A2ML1: variants seen among roughly 807,000 people sequenced by gnomAD.
A2ML1 encodes alpha-2-macroglobulin-like protein 1.
A2ML1 carries 161 observed loss-of-function variants against 181.9 expected under a neutral mutation model. The observed-to-expected ratio is 0.89, with a 90% CI of 0.78 to 1.01. The LOEUF is 1.01. Among genes scored for constraint, A2ML1 ranks in the 50% least tolerant of loss-of-function variants. The pLI is 0.00. For synonymous variants in A2ML1, 663 were observed against 666.8 expected (o/e 0.99, Z 0.09); for missense variants, 1,670 against 1,768.1 (o/e 0.94, Z 1.00).
chr12:8,844,074 T>C (rs1480410635), intron 12 of A2ML1, among the ~76,000 whole-genome samples: 1 of 150,414 alleles, frequency 6.6e-6, no homozygotes, highest in Non-Finnish European at 1.5e-5. Flanking sequence ...CCAGTATAGG[T>C]GTAAGAGATG....
intron 4 of A2ML1, among the ~76,000 whole-genome samples, chr12:8,831,361 T>C (rs769325194): frequency 6.6e-6 from 1 of 152,248 alleles, no homozygotes; most frequent in African/African-American, 2.4e-5. Context: ...ACCCTCAGGG[T>C]TGATCTCATT....
chr12:8,858,971 A>T (rs895911540), intron 26 of A2ML1, among the ~76,000 whole-genome samples: 1 of 152,082 alleles, frequency 6.6e-6, no homozygotes, highest in Non-Finnish European at 1.5e-5. Context: ...CAACAAATCA[A>T]TGAGCTAGGT....
chr12:8,848,620 A>C (rs1943783210), intron 15 of A2ML1, 100 bp from the exon 16 acceptor site: 1 of 875,302 alleles, frequency 1.1e-6, no homozygotes, highest in Non-Finnish European at 1.7e-6. Context: ...ATAAAGAGAA[A>C]TGATACAGGA....
At chr12:8,851,272 C>T (rs777372907) in intron 18 of A2ML1, among the ~76,000 whole-genome samples, 1 of 152,236 alleles carries the variant, frequency 6.6e-6, no homozygotes, top group South Asian at 2.1e-4. Context: ...CACAGAGATG[C>T]CCACCCCGAC....
intron 14 of A2ML1, 69 bp downstream of exon 14, chr12:8,846,291 T>A: frequency 6.3e-7 from 1 of 1,578,424 alleles, no homozygotes; most frequent in South Asian, 1.1e-5. Flanking sequence ...TGTGCTGCGG[T>A]TGGAAACAAG....
chr12:8,880,942 T>C (rs113952826), downstream of A2ML1, among the ~76,000 whole-genome samples: 17 of 152,334 alleles, frequency 1.1e-4, 1 homozygote, highest in African/African-American at 3.4e-4. Flanking sequence ...CAGTTAGCTT[T>C]TTTGTTGGAA....
In A2ML1 at chr12:8,860,602, CCTT is replaced by C. The variant is rs369978600; in HGVS notation, c.3265-276_3265-274del. Among the ~76,000 whole-genome samples the C allele has an allele frequency of 3.9e-5, 6 of 152,156 alleles. No homozygotes were observed. The East Asian group carries it at 7.7e-4, about 20-fold the overall frequency. ...TTTAAAGCTCTTACCCTTCCTAACTCCTTCTCTTGGGTTTCTTAAATACCCACT... is the reference window on the plus strand; with the variant it reads ...TTTAAAGCTCTTACCCTTCCTAACTCCTCTTGGGTTTCTTAAATACCCACT... On this transcript the variant is annotated intron_variant, in intron 26 of 35. Transcript: ENST00000299698.
At chr12:8,853,053 G>T (rs1386104592) in intron 20 of A2ML1, among the ~76,000 whole-genome samples, 1 of 152,070 alleles carries the variant, frequency 6.6e-6, no homozygotes, top group Non-Finnish European at 1.5e-5. Flanking sequence ...GGAGTACAGT[G>T]GTGTGGTCAT....
chr12:8,849,434 G>T (rs780586635), intron 16 of A2ML1, among the ~76,000 whole-genome samples: 22 of 152,260 alleles, frequency 1.4e-4, no homozygotes, highest in African/African-American at 5.1e-4. Flanking sequence ...ATAATATTTG[G>T]CAGAACCATT....
chr12:8,839,490 G>A (rs1250507225), intron 10 of A2ML1, among the ~76,000 whole-genome samples: 3 of 148,422 alleles, frequency 2.0e-5, no homozygotes, highest in Non-Finnish European at 4.5e-5. Context: ...CCTGCCTCCC[G>A]GGTATACACT....
chr12:8,885,564 C>A (rs1944914293), intron 7 of A2ML1, among the ~76,000 whole-genome samples: 1 of 152,004 alleles, frequency 6.6e-6, no homozygotes, highest in African/African-American at 2.4e-5. Context: ...CTCAAGCAAT[C>A]CTCCCACCTC....
chr12:8,874,629 C>T, intron 34 of A2ML1, 102 bp downstream of exon 34: 1 of 843,238 alleles, frequency 1.2e-6, no homozygotes, highest in Non-Finnish European at 1.9e-6. Flanking sequence ...TACAAATACT[C>T]CTTCCCAAGC....
chr12:8,852,221 C>T lies in A2ML1; in HGVS notation c.2475C>T (p.Asp825=). The part of the protein sequence containing the change: ...YLKDCIRVQT[D]LAKSHEYQLE... ...AACATCCTCCGTAGGTTCAGACTGA[C>T]CTGGCTAAATCGCATGAGTACCAGC... The change falls in exon 20 of 36, where the codon GAC becomes GAT. Residue 825 remains aspartate (D), a synonymous_variant. Transcript: ENST00000299698. The surrounding 1 kb of genome is among the most constrained non-coding windows in gnomAD (Gnocchi z 4.2). The T allele has an allele frequency of 6.2e-7, 1 of 1,614,156 alleles. No individual in the cohort carries two copies. The highest frequency in any genetic ancestry group is 1.1e-5 in the South Asian group (1 of 91,084).
downstream of A2ML1, among the ~76,000 whole-genome samples, chr12:8,881,186 G>A (rs775887341): frequency 8.5e-5 from 13 of 152,126 alleles, no homozygotes; most frequent in Non-Finnish European, 1.9e-4. Context: ...GCCTGCAAAT[G>A]AAACCGAGAA....
chr12:8,843,460 TGCAC>T, intron 12 of A2ML1, 99 bp downstream of exon 12: 1 of 1,073,560 alleles, frequency 9.3e-7, no homozygotes, highest in Admixed American at 3.0e-5. Flanking sequence ...GAATTGCAGA[TGCAC>T]ATCTAATTAA....
At chr12:8,834,232 C>T (rs1321559022) in intron 4 of A2ML1, among the ~76,000 whole-genome samples, 1 of 152,168 alleles carries the variant, frequency 6.6e-6, no homozygotes, top group East Asian at 1.9e-4. Context: ...TGAAAGTAAG[C>T]TTCCTGCCCA....
At chr12:8,858,535 G>A (rs1383045257) in intron 26 of A2ML1, among the ~76,000 whole-genome samples, 3 of 152,124 alleles carry the variant, frequency 2.0e-5, no homozygotes, top group Admixed American at 6.5e-5. Context: ...GCAGTGAGCC[G>A]TGATTGCACC....
chr12:8,862,661 T>C (rs1055142037), intron 28 of A2ML1, among the ~76,000 whole-genome samples: 4 of 152,330 alleles, frequency 2.6e-5, no homozygotes, highest in Admixed American at 2.0e-4. Context: ...GGCTGAGCTG[T>C]CCTCTCACAG....
At chr12:8,834,600 G>A in intron 4 of A2ML1, 62 bp from the exon 5 acceptor site, 2 of 1,594,120 alleles carry the variant, frequency 1.3e-6, no homozygotes, top group Non-Finnish European at 1.7e-6. Context: ...TTTGCTTTCA[G>A]CAAACTTATT....
Sources: gnomAD v4.1 joint callset for allele counts (sites outside exome capture counted in the v4.1 genomes callset) on GRCh38, gnomAD v4.1.1 for gene constraint, Gnocchi (gnomAD v3.1) non-coding constraint, MANE v1.5 for transcripts, NCBI Gene and HGNC (gene_info 2026-07-23, HGNC 2026-07-21) for gene names.